Variants in TFCP2 observed in about 807,000 individuals in gnomAD.
TFCP2 encodes the protein transcription factor CP2.
In TFCP2, 33 loss-of-function variants were observed where a neutral mutation model predicts 73.4. That is an observed-to-expected ratio of 0.45 (90% CI 0.34 to 0.60). The LOEUF is 0.60. Among genes scored for constraint, TFCP2 ranks in the 20% least tolerant of loss-of-function variants. TFCP2 has a pLI of 0.01. For missense variants in TFCP2, 352 were observed against 604.0 expected, an observed-to-expected ratio of 0.58 and a Z score of 4.37; for synonymous variants, 193 against 211.6, an observed-to-expected ratio of 0.91 and a Z score of 0.76.
chr12:51,095,299 A>C, intron 14 of TFCP2, 21 bp from the exon 15 acceptor site: 1 of 1,612,998 alleles, frequency 6.2e-7, no homozygotes, highest in South Asian at 1.1e-5. Flanking sequence ...AAAGAGAGAG[A>C]GAGAATCATC....
chr12:51,153,431 A>T (rs1424267257), intron 1 of TFCP2, among the ~76,000 whole-genome samples: 1 of 151,874 alleles, frequency 6.6e-6, no homozygotes, highest in Non-Finnish European at 1.5e-5. Flanking sequence ...GTCTATATCA[A>T]TGCTTCAATC....
intron 10 of TFCP2, among the ~76,000 whole-genome samples, chr12:51,102,801 G>A (rs980693174): frequency 2.0e-5 from 3 of 151,818 alleles, no homozygotes; most frequent in African/African-American, 7.3e-5. Context: ...TCCCATGAAC[G>A]TCTTACTGTC....
rs370683911 is a variant in TFCP2 at position 51,095,252 on chromosome 12, T to A, written c.1498A>T (p.Ile500Leu). The change falls in exon 15 of 15, where the codon ATA (isoleucine) becomes TTA (leucine). Residue 500 changes from isoleucine (I) to leucine (L), a missense_variant. This residue lies in a region of TFCP2 where 194 missense variants were observed against 256.3 expected (regional missense o/e 0.76). Coordinates refer to ENST00000257915, the MANE Select transcript of TFCP2 (RefSeq NM_005653.5). ...GAAACGCCGCACTCCTACTTCAGTA[T>A]GATATGATAGCTATCATTGGTTTCT... ...KAETNDSYHIILK is the reference protein window; with the variant it reads ...KAETNDSYHILLK 1.2e-6 allele frequency: 2 copies of A among 1,613,966 alleles called. No individual in the cohort carries two copies. The highest frequency in any genetic ancestry group is 2.7e-5 in the African/African-American group (2 of 74,890).
intron 1 of TFCP2, among the ~76,000 whole-genome samples, chr12:51,164,406 G>T (rs1044108034): frequency 1.1e-4 from 17 of 152,128 alleles, no homozygotes; most frequent in African/African-American, 4.1e-4. Flanking sequence ...AGACCAGCCT[G>T]GTCAACATGG....
chr12:51,147,529 T>G (rs1352800882), intron 1 of TFCP2, among the ~76,000 whole-genome samples: 33 of 147,788 alleles, frequency 2.2e-4, no homozygotes, highest in Admixed American at 4.8e-4. Context: ...TAGGAAGAGG[T>G]GGGGGGGGAA....
chr12:51,107,406 C>T (rs887437684), intron 6 of TFCP2, 60 bp from the exon 7 acceptor site: 4 of 1,364,720 alleles, frequency 2.9e-6, no homozygotes, highest in East Asian at 2.3e-5. Flanking sequence ...CAAAATATTG[C>T]TTCCAAAAAC....
In TFCP2 at chr12:51,115,612, G is replaced by C. The variant is rs981602211; in HGVS notation, c.457+703C>G. ...TATTTGTACATCCATGTTCATAGCA[G>C]CATTATTCACAATAGCCAGGAAATG... On this transcript the variant is annotated intron_variant, in intron 4 of 14. Transcript: ENST00000257915. Among the ~76,000 whole-genome samples, 3 of 152,156 alleles carry C rather than the reference G, an allele frequency of 2.0e-5. No homozygotes were observed. The East Asian group carries it at 5.8e-4, about 29-fold the overall frequency.
chr12:51,133,539 T>G (rs898561719), intron 1 of TFCP2, among the ~76,000 whole-genome samples: 9 of 152,194 alleles, frequency 5.9e-5, no homozygotes, highest in Non-Finnish European at 1.5e-5. Flanking sequence ...CTCAAATTCC[T>G]GGGCTCAAGC....
In TFCP2 at chr12:51,100,373, A is replaced by T. The variant is rs562463346; in HGVS notation, c.1152-594T>A. 4.6e-5 allele frequency among the ~76,000 whole-genome samples: 7 copies of T among 152,248 alleles called. No individual in the cohort carries two copies. In the South Asian group the frequency reaches 8.3e-4, roughly 18 times the overall value. On this transcript the variant is annotated intron_variant, in intron 11 of 14. Transcript: ENST00000257915. ...AGGTATTCAACTACCTCTTGATCTG[A>T]TCATCTTACTCCTTCCAATTTCTAA...
rs768526922 is a variant in TFCP2 at position 51,140,445 on chromosome 12, C to CTTTTTTTTTTTT, written c.123-21685_123-21674dup. Among the ~76,000 whole-genome samples the CTTTTTTTTTTTT allele has an allele frequency of 5.9e-3, 523 of 88,006 alleles. 1 individual carries two copies. The highest frequency in any genetic ancestry group is 7.0e-3 in the Non-Finnish European group (338 of 48,006). The allele number at this position is 88,006 out of a possible 152,430, so 57.7% of individuals were successfully genotyped here. A position where few individuals can be genotyped will look rare whatever the true frequency, so the allele number is the denominator to read the frequency against. On this transcript the variant is annotated intron_variant, in intron 1 of 14. Transcript: ENST00000257915. ...TCTTTTCTATCTTTCTTTTCTTTTT[C>CTTTTTTTTTTTT]TTTTTTTTTTTTTTTTTTTTTGTAG... is the stretch of plus-strand genomic sequence containing the variant.
At chr12:51,152,957 C>T (rs1941459917) in intron 1 of TFCP2, among the ~76,000 whole-genome samples, 1 of 152,230 alleles carries the variant, frequency 6.6e-6, no homozygotes, top group Non-Finnish European at 1.5e-5. Flanking sequence ...TGAACAGTAA[C>T]TAGCCCCTGG....
intron 1 of TFCP2, among the ~76,000 whole-genome samples, chr12:51,163,249 C>T (rs967841885): frequency 1.3e-5 from 2 of 152,068 alleles, no homozygotes; most frequent in African/African-American, 4.8e-5. Flanking sequence ...GTGATGGTGC[C>T]ACTGCACCCC....
In TFCP2 at chr12:51,143,509, G is replaced by T. The variant is rs190202642; in HGVS notation, c.123-24737C>A. On this transcript the variant is annotated intron_variant, in intron 1 of 14. Transcript: ENST00000257915. Reference sequence around the variant, plus strand: ...GAAATTTAGAGGACAGGCTCTGGAGGTAAGCTACTAGAATTTATATGACAG... The same window carrying T: ...GAAATTTAGAGGACAGGCTCTGGAGTTAAGCTACTAGAATTTATATGACAG... 3.1e-3 allele frequency among the ~76,000 whole-genome samples: 467 copies of T among 151,870 alleles called. 4 individuals carry two copies. The highest frequency in any genetic ancestry group is 0.011 in the African/African-American group (444 of 41,388).
chr12:51,097,799 T>G (rs1034508624), intron 13 of TFCP2, among the ~76,000 whole-genome samples: 2 of 152,002 alleles, frequency 1.3e-5, no homozygotes, highest in African/African-American at 4.8e-5. Context: ...GGTTGATCAC[T>G]TGAGGCCAGG....
At chr12:51,107,491 A>G in intron 6 of TFCP2, 145 bp from the exon 7 acceptor site, 1 of 661,232 alleles carries the variant, frequency 1.5e-6, no homozygotes, top group East Asian at 2.8e-5. Flanking sequence ...AAGTTTGAAA[A>G]TAGGAAATTT....
chr12:51,123,019 G>T (rs775768668), intron 1 of TFCP2, among the ~76,000 whole-genome samples: 5 of 152,084 alleles, frequency 3.3e-5, no homozygotes, highest in Non-Finnish European at 7.4e-5. Flanking sequence ...ATGAATGTAG[G>T]GTGGTTATTT....
chr12:51,169,802 T>C (rs558773288), intron 1 of TFCP2, among the ~76,000 whole-genome samples: 1 of 152,326 alleles, frequency 6.6e-6, no homozygotes, highest in Admixed American at 6.5e-5. Flanking sequence ...TTGAAACTTG[T>C]GCATTTGATT....
intron 2 of TFCP2, 95 bp from the exon 3 acceptor site, chr12:51,117,842 A>G: frequency 1.4e-6 from 1 of 727,120 alleles, no homozygotes; most frequent in East Asian, 2.7e-5. Flanking sequence ...ATACAACAGT[A>G]TAATAATATT....
chr12:51,170,900 G>A (rs1007891136), intron 1 of TFCP2, among the ~76,000 whole-genome samples: 11 of 151,582 alleles, frequency 7.3e-5, no homozygotes, highest in Middle Eastern at 3.4e-3. Flanking sequence ...GGCTGTTCTC[G>A]AACTCCTGAC....
Sources: allele counts gnomAD v4.1 joint callset (sites outside exome capture counted in the v4.1 genomes callset), GRCh38; gene constraint gnomAD v4.1.1; regional missense constraint gnomAD v4.1.1; transcripts MANE v1.5; gene names NCBI Gene and HGNC (gene_info 2026-07-23, HGNC 2026-07-21).